Variants in NBPF20 observed in about 807,000 individuals in gnomAD.
NBPF20 encodes NBPF family member NBPF20.
In NBPF20, 90 loss-of-function variants were observed where a neutral mutation model predicts 68.1. The ratio of observed to expected loss-of-function variants is 1.32; its 90% confidence interval spans 1.11 to 1.58. NBPF20 has a LOEUF of 1.58. NBPF20 is among the 40% of genes most tolerant of loss of function. The pLI is 0.00. For missense variants in NBPF20, 816 were observed against 601.2 expected (o/e 1.36, Z -3.74); for synonymous variants, 290 against 228.1 (o/e 1.27, Z -2.45).
chr1:145,306,302 C>G (rs1235933182), intron 119 of NBPF20, among the ~76,000 whole-genome samples: 2 of 136,478 alleles, frequency 1.5e-5, no homozygotes, highest in Non-Finnish European at 3.2e-5. Context: ...CACACACAGA[C>G]ACACACACAC....
intron 2 of NBPF20, among the ~76,000 whole-genome samples, chr1:145,403,940 C>T (rs1553666207): frequency 1.3e-5 from 2 of 149,786 alleles, no homozygotes; most frequent in East Asian, 2.0e-4. Context: ...AAATAGTGTT[C>T]ACTGTGTGCC....
At chr1:145,405,043 T>G in intron 2 of NBPF20, 55 bp downstream of exon 7, 2 of 1,611,844 alleles carry the variant, frequency 1.2e-6, no homozygotes, top group Non-Finnish European at 1.7e-6. Flanking sequence ...ATTTAGTGTC[T>G]CAGAAGACAG....
chr1:145,393,583 G>A lies in NBPF20; in HGVS notation c.1043+301C>T, dbSNP rs1432590873. ...GCTCTCAGGACACACTGTGAACAGT[G>A]ATCATGAAAAGCATGTCCTCAATAA... On this transcript the variant is annotated intron_variant, in intron 9 of 137. Transcript: ENST00000369373. 11 of 648,704 alleles carry A rather than the reference G, an allele frequency of 1.7e-5. No homozygotes were observed. In the Admixed American group the frequency reaches 2.8e-4, roughly 16 times the overall value. 40.2% of individuals were successfully genotyped at this position (648,704 alleles called of 1,614,324 possible).
chr1:145,404,846 G>A (rs75004569), intron 2 of NBPF20, among the ~76,000 whole-genome samples: 2,519 of 142,974 alleles, frequency 0.018, 83 homozygotes, highest in African/African-American at 0.065. Flanking sequence ...AAAACAGGTC[G>A]TTCTGTGCCT....
At chr1:145,291,461 C>G in exon 138 of NBPF20, 6 of 1,611,934 alleles carry the variant, frequency 3.7e-6, no homozygotes, top group South Asian at 1.1e-5. Flanking sequence ...TACTTTCATT[C>G]AAATCTTCAC....
intron 1 of NBPF20, 39 bp from the exon 7 acceptor site, chr1:145,405,346 CTGG>C (rs1466761020): frequency 6.7e-7 from 1 of 1,484,770 alleles, no homozygotes; most frequent in Non-Finnish European, 9.3e-7. Context: ...GGGTTAAAAA[CTGG>C]TGAAATCAAA....
At chr1:145,412,265 T>C in the NBPF20 span, among the ~76,000 whole-genome samples, 2 of 152,042 alleles carry the variant, frequency 1.3e-5, no homozygotes, top group African/African-American at 4.8e-5. Context: ...ACTTTGTTTT[T>C]GGAAGCATGT....
chr1:145,421,678 C>T, the NBPF20 span, among the ~76,000 whole-genome samples: 1 of 152,130 alleles, frequency 6.6e-6, no homozygotes, highest in Non-Finnish European at 1.5e-5. Flanking sequence ...ACAATGAATA[C>T]TATATTCATA....
intron 115 of NBPF20, among the ~76,000 whole-genome samples, chr1:145,309,525 A>C (rs1303428774): frequency 1.5e-5 from 1 of 65,026 alleles, no homozygotes; most frequent in Non-Finnish European, 3.0e-5. Flanking sequence ...TCAGTGAATT[A>C]TCCAGGTGAC....
intron 6 of NBPF20, among the ~76,000 whole-genome samples, chr1:145,400,156 ACT>A (rs1366492941): frequency 3.1e-4 from 47 of 152,200 alleles, no homozygotes; most frequent in African/African-American, 1.1e-3. Flanking sequence ...CACCTCCTGC[ACT>A]CAGGTGACTA....
At chr1:145,291,990 G>C (rs61812479) in intron 137 of NBPF20, among the ~76,000 whole-genome samples, 3,546 of 143,518 alleles carry the variant, frequency 0.025, 170 homozygotes, top group Admixed American at 0.093. Flanking sequence ...GAGACAGAGA[G>C]AGAGAGAAAG....
At chr1:145,408,256 A>G (rs587613457), upstream of NBPF20, 76 of 157,756 alleles carry the variant, frequency 4.8e-4, no homozygotes, top group African/African-American at 1.2e-3. Flanking sequence ...TAATTTCAGG[A>G]GTCATTACCC....
chr1:145,398,576 C>A (rs1345233880), intron 7 of NBPF20, among the ~76,000 whole-genome samples: 19 of 152,038 alleles, frequency 1.2e-4, no homozygotes, highest in African/African-American at 4.6e-4. Context: ...ACATTTAAAG[C>A]AATGTGTAGA....
Position 145,394,959 on chromosome 1 carries a change from T to G in NBPF20, c.991+19A>C. 4 of 1,611,994 alleles carry G rather than the reference T, an allele frequency of 2.5e-6. No homozygotes were observed. Among genetic ancestry groups the G allele is most frequent in the Non-Finnish European group, 2.5e-6 (3 of 1,179,820 alleles). On this transcript the variant is annotated intron_variant, in intron 8 of 137. Coordinates refer to ENST00000369373, the Ensembl canonical transcript of NBPF20. ...GGCCATGAACTGGAGCTTTATCACC[T>G]TCACAGTGTAGTACTCACTGCCTAT...
chr1:145,290,051 CA>C (rs1165438456), exon 138 of NBPF20: 1 of 149,064 alleles, frequency 6.7e-6, no homozygotes, highest in Non-Finnish European at 1.5e-5. Flanking sequence ...TAACTTTGGA[CA>C]AAAATTAAAA....
chr1:145,397,435 A>T (rs1438805569), intron 7 of NBPF20, among the ~76,000 whole-genome samples: 1 of 151,718 alleles, frequency 6.6e-6, no homozygotes, highest in East Asian at 1.9e-4. Flanking sequence ...CATCTTCAAC[A>T]TTCTTAAAGA....
exon 138 of NBPF20, chr1:145,291,390 A>C (rs1179009234): frequency 6.3e-7 from 1 of 1,577,120 alleles, no homozygotes; most frequent in Non-Finnish European, 8.6e-7. Context: ...GCATGGTTTG[A>C]GAATAGGAAT....
At chr1:145,397,374 C>T (rs1332576923) in intron 7 of NBPF20, among the ~76,000 whole-genome samples, 3 of 152,188 alleles carry the variant, frequency 2.0e-5, no homozygotes, top group African/African-American at 4.8e-5. Context: ...AACTAGTTTA[C>T]AGTCCCACCA....
chr1:145,404,851 G>C, intron 2 of NBPF20, among the ~76,000 whole-genome samples: 1 of 150,490 alleles, frequency 6.6e-6, no homozygotes, highest in Non-Finnish European at 1.5e-5. Context: ...AGGTCGTTCT[G>C]TGCCTGTGTT....
Sources: allele counts gnomAD v4.1 joint callset (sites outside exome capture counted in the v4.1 genomes callset), GRCh38; gene constraint gnomAD v4.1.1; transcripts MANE v1.5; gene names NCBI Gene and HGNC (gene_info 2026-07-23, HGNC 2026-07-21).